The following CBLB variants were observed in gnomAD, a reference collection of about 807,000 sequenced individuals.
The protein encoded by CBLB is E3 ubiquitin-protein ligase CBL-B.
A neutral mutation model predicts 104.9 loss-of-function variants in CBLB; 31 were observed. The ratio of observed to expected loss-of-function variants is 0.30; its 90% CI spans 0.22 to 0.40. The LOEUF (loss-of-function observed/expected upper bound fraction) is 0.40. Ranked by LOEUF, CBLB falls within the 10% of genes least tolerant of loss-of-function variation. CBLB has a pLI of 1.00. For synonymous variants in CBLB, 440 were observed against 422.6 expected (o/e 1.04, Z -0.51); for missense variants, 1,062 against 1,214.6 (o/e 0.87, Z 1.87).
chr3:105,683,271 C>T (rs1218617307), intron 14 of CBLB, among the ~76,000 whole-genome samples: 1 of 152,100 alleles, frequency 6.6e-6, no homozygotes, highest in African/African-American at 2.4e-5. Context: ...GGGAAAAATA[C>T]ACACAGGGAA....
rs981217775 is a variant in CBLB at position 105,658,897 on chromosome 3, C to A, written c.*73G>T. The A allele has an allele frequency of 1.4e-5, 21 of 1,521,074 alleles. No homozygotes were observed. The highest frequency in any genetic ancestry group is 1.8e-5 in the Non-Finnish European group (20 of 1,099,146). The allele number at this position is 1,521,074 out of a possible 1,614,324, so 94.2% of individuals were successfully genotyped here. A position where few individuals can be genotyped will look rare whatever the true frequency, so the allele number is the denominator to read the frequency against. ...GAGACACTTCTCTCTTGAATTCCAT[C>A]TCAGTTCTCTTTATTTCCACACTCT... On this transcript the variant is annotated 3_prime_UTR_variant, in exon 19 of 19. Transcript: ENST00000394030.
At chr3:105,731,360 C>T (rs1345736312) in intron 9 of CBLB, among the ~76,000 whole-genome samples, 1 of 152,020 alleles carries the variant, frequency 6.6e-6, no homozygotes, top group Admixed American at 6.6e-5. Context: ...ATAATGAAAT[C>T]CATTTTACCC....
intron 3 of CBLB, among the ~76,000 whole-genome samples, chr3:105,835,936 A>T (rs73196327): frequency 1.2e-3 from 178 of 152,356 alleles, no homozygotes; most frequent in Non-Finnish European, 2.0e-3. Context: ...ATGATGCCAC[A>T]CATACAGTAG....
intron 4 of CBLB, 52 bp from the exon 5 acceptor site, chr3:105,751,670 A>G: frequency 7.1e-7 from 1 of 1,403,216 alleles, no homozygotes; most frequent in Non-Finnish European, 1.0e-6. Flanking sequence ...TCATTTAAGA[A>G]ATACCTCCCT....
At chr3:105,671,039 C>T (rs1487375263) in intron 17 of CBLB, 2 of 179,518 alleles carry the variant, frequency 1.1e-5, no homozygotes, top group African/African-American at 2.4e-5. Flanking sequence ...CAGTCAGAGA[C>T]GGGGCATCTG....
chr3:105,690,097 C>CTATTT (rs1247491867), intron 13 of CBLB, among the ~76,000 whole-genome samples: 1 of 152,052 alleles, frequency 6.6e-6, no homozygotes, highest in East Asian at 1.9e-4. Flanking sequence ...TTTAACAATT[C>CTATTT]TATTTCAGTA....
At chr3:105,853,349 T>C (rs1184633051) in intron 3 of CBLB, 65 bp downstream of exon 3, 3 of 1,540,696 alleles carry the variant, frequency 1.9e-6, no homozygotes, top group African/African-American at 1.4e-5. Context: ...ACGTTTAGGT[T>C]AACTATTAAG....
intron 2 of CBLB, 126 bp from the exon 3 acceptor site, chr3:105,853,790 C>T: frequency 1.5e-6 from 1 of 669,588 alleles, no homozygotes; most frequent in East Asian, 2.8e-5. Flanking sequence ...AACTTACTAT[C>T]TCCAATTTAT....
At chr3:105,802,446 G>C (rs942066850) in intron 3 of CBLB, among the ~76,000 whole-genome samples, 1 of 152,186 alleles carries the variant, frequency 6.6e-6, no homozygotes, top group African/African-American at 2.4e-5. Context: ...GTATTCTCCA[G>C]AGTTGCCAAC....
chr3:105,849,096 C>A lies in CBLB; in HGVS notation c.419+4318G>T, dbSNP rs539304569. On this transcript the variant is annotated intron_variant, in intron 3 of 18. Transcript: ENST00000394030. The stretch of plus-strand genomic sequence containing the variant: ...TTCTGTAGAGCAAAATGCCTCAGAG[C>A]TCCATGTGCAATGGCACATTTTAGA... Among the ~76,000 whole-genome samples, 6 of 152,220 alleles carry A rather than the reference C, an allele frequency of 3.9e-5. No homozygotes were observed. In the South Asian group the frequency reaches 1.2e-3, roughly 32 times the overall value.
intron 5 of CBLB, among the ~76,000 whole-genome samples, 183 bp downstream of exon 5, chr3:105,751,279 C>CTCTA (rs1260348859): frequency 6.6e-6 from 1 of 152,204 alleles, no homozygotes; most frequent in East Asian, 1.9e-4. Context: ...AAATGGCTCA[C>CTCTA]TCTAAACTTT....
At position 105,776,444 on chromosome 3, in the gene CBLB, A is replaced by T. The variant is rs750944357; in HGVS notation, c.518T>A (p.Ile173Asn). 6.2e-7 allele frequency: 1 copy of T among 1,613,642 alleles called. No individual in the cohort carries two copies. Among genetic ancestry groups the T allele is most frequent in the Non-Finnish European group, 8.5e-7 (1 of 1,179,824 alleles). Residue 173 changes from isoleucine to asparagine, a missense_variant, in exon 4 of 19, where the codon ATC becomes AAC. By Grantham distance (149) the Ile-to-Asn change is moderately radical (BLOSUM62 -3). Coordinates refer to ENST00000394030, the MANE Select transcript of CBLB (RefSeq NM_170662.5). ...NGQFQGDNFR[I>N]TKADAAEFWR... Reference sequence around the variant, plus strand: ...GAATTCAGCAGCATCTGCTTTTGTGATACGAAAGTTATCTCCCTGGAATTG... The same window carrying T: ...GAATTCAGCAGCATCTGCTTTTGTGTTACGAAAGTTATCTCCCTGGAATTG...
At chr3:105,814,936 C>G (rs2084814870) in intron 3 of CBLB, among the ~76,000 whole-genome samples, 1 of 122,836 alleles carries the variant, frequency 8.1e-6, no homozygotes, top group Non-Finnish European at 1.6e-5. Context: ...GCCACACACC[C>G]TGTATCTCCT....
At chr3:105,777,320 C>T (rs2079597577) in intron 3 of CBLB, among the ~76,000 whole-genome samples, 1 of 152,190 alleles carries the variant, frequency 6.6e-6, no homozygotes, top group Non-Finnish European at 1.5e-5. Context: ...GTGCTTTCCT[C>T]ATTAAGAGGT....
intron 7 of CBLB, among the ~76,000 whole-genome samples, chr3:105,738,625 A>G (rs1406790504): frequency 6.6e-6 from 1 of 152,138 alleles, no homozygotes; most frequent in Non-Finnish European, 1.5e-5. Context: ...TGATTAGGGT[A>G]CCATAGGAAA....
In CBLB at chr3:105,658,036, T is replaced by C. The variant is rs542095324; in HGVS notation, c.*934A>G. Reference sequence around the variant, plus strand: ...AAATTATTAATATATTTCAGGGAGATGGTCCTCTCATTCAGCATCCCTCAA... The same window carrying C: ...AAATTATTAATATATTTCAGGGAGACGGTCCTCTCATTCAGCATCCCTCAA... On this transcript the variant is annotated 3_prime_UTR_variant, in exon 19 of 19. Coordinates refer to ENST00000394030, the MANE Select transcript of CBLB (RefSeq NM_170662.5). The C allele has an allele frequency of 8.9e-5, 19 of 214,376 alleles. No individual in the cohort carries two copies. The highest frequency in any genetic ancestry group is 3.8e-4 in the African/African-American group (17 of 44,400). 13.3% of individuals were successfully genotyped at this position (214,376 alleles called of 1,614,324 possible).
intron 9 of CBLB, among the ~76,000 whole-genome samples, chr3:105,730,728 C>T (rs916984443): frequency 6.6e-6 from 1 of 152,016 alleles, no homozygotes; most frequent in Non-Finnish European, 1.5e-5. Context: ...TAAAGGTTTG[C>T]ATATTTTTCA....
intron 9 of CBLB, chr3:105,723,906 T>C (rs2073237406): frequency 6.5e-6 from 1 of 154,468 alleles, no homozygotes; most frequent in South Asian, 2.1e-4. Flanking sequence ...CATCAAGGGC[T>C]GTAGGGTATA....
chr3:105,854,163 T>TAA (rs2091298790), intron 2 of CBLB, among the ~76,000 whole-genome samples: 1 of 152,084 alleles, frequency 6.6e-6, no homozygotes, highest in African/African-American at 2.4e-5. Context: ...AATAACTGAG[T>TAA]TATTAAGTAG....
Sources: gnomAD v4.1 joint callset for allele counts (sites outside exome capture counted in the v4.1 genomes callset) on GRCh38, gnomAD v4.1.1 for gene constraint, MANE v1.5 for transcripts, NCBI Gene and HGNC (gene_info 2026-07-23, HGNC 2026-07-21) for gene names.